The following ZFHX3 variants were observed in gnomAD, a reference collection of about 807,000 sequenced individuals.
ZFHX3 encodes zinc finger homeobox protein 3.
ZFHX3 carries 42 observed loss-of-function variants against 279.1 expected under a neutral mutation model. The ratio of observed to expected loss-of-function variants is 0.15; its 90% CI spans 0.12 to 0.19. ZFHX3 has a LOEUF of 0.19. Among genes scored for constraint, ZFHX3 ranks in the 10% least tolerant of loss-of-function variants. ZFHX3 has a pLI of 1.00. For missense variants in ZFHX3, 4,981 were observed against 4,754.0 expected (o/e 1.05, Z -1.40); for synonymous variants, 2,293 against 1,957.8 (o/e 1.17, Z -4.52).
intron 3 of ZFHX3, chr16:73,386,749 A>AG (rs2016909048): frequency 2.0e-5 from 1 of 50,606 alleles, no homozygotes; most frequent in African/African-American, 6.9e-5. Flanking sequence ...TATATGTGGA[A>AG]GCAAAAAAAA....
At chr16:72,884,539 G>A (rs2038574677) in intron 4 of ZFHX3, among the ~76,000 whole-genome samples, 3 of 152,244 alleles carry the variant, frequency 2.0e-5, no homozygotes, top group Admixed American at 6.5e-5. Context: ...ATAAAGAATT[G>A]TTGAACTTTA....
intron 3 of ZFHX3, among the ~76,000 whole-genome samples, chr16:73,413,289 G>A (rs1215910877): frequency 2.0e-5 from 3 of 152,374 alleles, no homozygotes; most frequent in African/African-American, 4.8e-5. Context: ...GCACAGGAGT[G>A]AGAAAGTTCA....
At chr16:73,102,586 T>A (rs75006076) in intron 7 of ZFHX3, among the ~76,000 whole-genome samples, 2,606 of 152,314 alleles carry the variant, frequency 0.017, 79 homozygotes, top group African/African-American at 0.059. Context: ...TTCACAGTCA[T>A]AAGCATAGCT....
At chr16:72,874,838 A>G (rs1373890899) in intron 4 of ZFHX3, among the ~76,000 whole-genome samples, 1 of 152,156 alleles carries the variant, frequency 6.6e-6, no homozygotes, top group Non-Finnish European at 1.5e-5. Flanking sequence ...TGTGATCTAT[A>G]GCTGAGTGGT....
intron 2 of ZFHX3, among the ~76,000 whole-genome samples, chr16:73,671,836 A>T (rs1276958224): frequency 6.6e-6 from 1 of 152,240 alleles, no homozygotes; most frequent in African/African-American, 2.4e-5. Flanking sequence ...AATATCATAA[A>T]ATAGCTGTAA....
chr16:73,695,875 A>C (rs1289791708), intron 1 of ZFHX3, among the ~76,000 whole-genome samples: 2 of 152,078 alleles, frequency 1.3e-5, no homozygotes, highest in African/African-American at 4.8e-5. Context: ...GCTCGGCAAG[A>C]AGGACTCAGC....
intron 3 of ZFHX3, among the ~76,000 whole-genome samples, chr16:73,447,365 T>C (rs768210414): frequency 6.6e-6 from 1 of 152,050 alleles, no homozygotes; most frequent in Non-Finnish European, 1.5e-5. Flanking sequence ...GATTTTGGTG[T>C]ACCACAACGC....
At chr16:73,227,809 A>C (rs557148834) in intron 5 of ZFHX3, among the ~76,000 whole-genome samples, 99 of 135,686 alleles carry the variant, frequency 7.3e-4, no homozygotes, top group Admixed American at 1.5e-3. Flanking sequence ...AGATTGCACC[A>C]CTGCACTTCA....
At chr16:73,590,862 C>T (rs1247108434) in intron 2 of ZFHX3, among the ~76,000 whole-genome samples, 3 of 152,100 alleles carry the variant, frequency 2.0e-5, no homozygotes, top group Non-Finnish European at 4.4e-5. Flanking sequence ...AATCATGTGT[C>T]ATCTCCTGAT....
At chr16:72,877,804 T>C (rs959778236) in intron 4 of ZFHX3, among the ~76,000 whole-genome samples, 1 of 152,214 alleles carries the variant, frequency 6.6e-6, no homozygotes, top group Non-Finnish European at 1.5e-5. Flanking sequence ...CAGTCAGCCC[T>C]GTACTCAAGG....
chr16:72,875,155 C>T (rs2038276786), intron 4 of ZFHX3, among the ~76,000 whole-genome samples: 1 of 152,254 alleles, frequency 6.6e-6, no homozygotes, highest in Admixed American at 6.5e-5. Context: ...CCCTTACTGG[C>T]TCAGGGAACT....
intron 1 of ZFHX3, among the ~76,000 whole-genome samples, chr16:73,841,957 G>T (rs568127976): frequency 3.3e-5 from 5 of 152,056 alleles, no homozygotes; most frequent in Non-Finnish European, 4.4e-5. Context: ...GCTCACGCTG[G>T]TAATCCCAGC....
At chr16:72,910,684 G>A (rs181506970) in intron 3 of ZFHX3, among the ~76,000 whole-genome samples, 263 of 152,248 alleles carry the variant, frequency 1.7e-3, no homozygotes, top group Non-Finnish European at 3.0e-3. Context: ...GAAGCCTGCA[G>A]GTGGGAGCTT....
rs1464995612 is a variant in ZFHX3, at chr16:72,884,120, A to G, written c.3448+5611T>C. Among the ~76,000 whole-genome samples the G allele has an allele frequency of 3.3e-5, 5 of 152,332 alleles. No individual in the cohort carries two copies. The East Asian group carries it at 7.7e-4, about 23-fold the overall frequency. Reference sequence around the variant, plus strand: ...CAAGTGAGAAAGCTGAAGACAGTATATATTCTTGGTCTCTTAACTCTTAAG... The same window carrying G: ...CAAGTGAGAAAGCTGAAGACAGTATGTATTCTTGGTCTCTTAACTCTTAAG... On this transcript the variant is annotated intron_variant, in intron 4 of 9. Transcript: ENST00000268489.
chr16:73,486,398 A>G (rs1382620603), intron 2 of ZFHX3, among the ~76,000 whole-genome samples: 1 of 152,110 alleles, frequency 6.6e-6, no homozygotes, highest in Non-Finnish European at 1.5e-5. Context: ...TTTCCTTTTC[A>G]ATAAATCTTT....
intron 2 of ZFHX3, among the ~76,000 whole-genome samples, chr16:73,617,939 A>G (rs940719088): frequency 5.9e-5 from 9 of 152,174 alleles, no homozygotes; most frequent in Non-Finnish European, 5.9e-5. Context: ...CTCCCAAGGC[A>G]GTGCTACCCA....
rs191083477 is a variant in ZFHX3 at position 73,486,176 on chromosome 16, C to G, written c.-1546-29918G>C. Among the ~76,000 whole-genome samples the G allele has an allele frequency of 5.9e-5, 9 of 152,278 alleles. No individual in the cohort carries two copies. In the East Asian group the frequency reaches 1.7e-3, roughly 29 times the overall value. On this transcript the variant is annotated intron_variant, in intron 2 of 17. Transcript: ENST00000641206. ...TTCCTAGAACTAAATCAAATGGATT[C>G]GATTCAGCTATGACAGGAAATATCC...
In ZFHX3 at chr16:72,785,438, T is replaced by C. The variant is rs1168549729; in HGVS notation, c.*1726A>G. 6.5e-6 allele frequency: 1 copy of C among 152,782 alleles called. No homozygotes were observed. Among genetic ancestry groups the C allele is most frequent in the East Asian group, 1.9e-4 (1 of 5,184 alleles). 9.5% of individuals were successfully genotyped at this position (152,782 alleles called of 1,614,324 possible). ...AAATGTGTCTTTTGGTATATGGAAT[T>C]GTCATTAACATTTGCCTCTCTGCTT... On this transcript the variant is annotated 3_prime_UTR_variant, in exon 10 of 10. Transcript: ENST00000268489.
chr16:73,093,071 C>A lies in ZFHX3; in HGVS notation c.-533+164G>T, dbSNP rs762014963. ...TCTAACATATCCTTTTGCTATTTGA[C>A]CCCTCCCAGAGATCCCTTCATTCTT... On this transcript the variant is annotated intron_variant, in intron 8 of 17. Transcript: ENST00000641206. 27 of 519,972 alleles carry A rather than the reference C, an allele frequency of 5.2e-5. No individual in the cohort carries two copies. The Middle Eastern group carries it at 5.4e-3, about 103-fold the overall frequency. The allele number at this position is 519,972 out of a possible 1,614,324, so 32.2% of individuals were successfully genotyped here.
Sources: gnomAD v4.1 joint callset for allele counts (sites outside exome capture counted in the v4.1 genomes callset) on GRCh38, gnomAD v4.1.1 for gene constraint, MANE v1.5 for transcripts, NCBI Gene and HGNC (gene_info 2026-07-23, HGNC 2026-07-21) for gene names.